TTC7B: variants seen among roughly 807,000 people sequenced by gnomAD.
TTC7B encodes the protein tetratricopeptide repeat protein 7B.
A neutral mutation model predicts 106.8 loss-of-function variants in TTC7B; 28 were observed. The ratio of observed to expected loss-of-function variants is 0.26; its 90% CI spans 0.19 to 0.36. TTC7B has a LOEUF of 0.36. Among genes scored for constraint, TTC7B ranks in the 10% least tolerant of loss-of-function variants. TTC7B has a pLI of 1.00. For missense variants in TTC7B, 862 were observed against 1,076.4 expected (o/e 0.80, Z 2.79); for synonymous variants, 405 against 430.6 (o/e 0.94, Z 0.74).
intron 15 of TTC7B, among the ~76,000 whole-genome samples, chr14:90,636,836 C>T (rs1301710973): frequency 6.6e-6 from 1 of 151,396 alleles, no homozygotes; most frequent in African/African-American, 2.4e-5. Context: ...TAGAATTATA[C>T]AATAATAAAA....
At chr14:90,627,215 G>C (rs1484697517) in intron 15 of TTC7B, among the ~76,000 whole-genome samples, 1 of 151,992 alleles carries the variant, frequency 6.6e-6, no homozygotes, top group African/African-American at 2.4e-5. Context: ...TGAACTCCCG[G>C]GCTCAAGAGA....
chr14:90,730,714 C>G (rs910333632), intron 4 of TTC7B, among the ~76,000 whole-genome samples: 1 of 152,198 alleles, frequency 6.6e-6, no homozygotes, highest in Non-Finnish European at 1.5e-5. Flanking sequence ...GGCTCCAGAG[C>G]TGAGGGACAT....
intron 5 of TTC7B, among the ~76,000 whole-genome samples, chr14:90,706,906 T>A (rs1034618079): frequency 2.0e-5 from 3 of 152,242 alleles, no homozygotes; most frequent in African/African-American, 7.2e-5. Context: ...TGTACATATG[T>A]GTGTATATGC....
At chr14:90,689,313 C>A (rs1292404107) in intron 7 of TTC7B, among the ~76,000 whole-genome samples, 1 of 152,184 alleles carries the variant, frequency 6.6e-6, no homozygotes, top group African/African-American at 2.4e-5. Flanking sequence ...GGCACCCAAG[C>A]ACTGAGATGA....
intron 1 of TTC7B, among the ~76,000 whole-genome samples, chr14:90,787,383 G>A (rs1258357169): frequency 6.6e-6 from 1 of 152,106 alleles, no homozygotes; most frequent in Non-Finnish European, 1.5e-5. Flanking sequence ...TATTTTTCTG[G>A]GATGGGACAG....
At chr14:90,552,965 C>T (rs1338059295) in intron 19 of TTC7B, among the ~76,000 whole-genome samples, 1 of 152,236 alleles carries the variant, frequency 6.6e-6, no homozygotes, top group Non-Finnish European at 1.5e-5. Flanking sequence ...GTGTGGAGCC[C>T]CAGAGAAAAG....
chr14:90,705,177 G>A (rs1888155573), intron 5 of TTC7B, among the ~76,000 whole-genome samples: 1 of 152,188 alleles, frequency 6.6e-6, no homozygotes, highest in Non-Finnish European at 1.5e-5. Flanking sequence ...CTAGGATGGA[G>A]TATGATCCAG....
chr14:90,593,334 T>G, intron 18 of TTC7B, 152 bp downstream of exon 18: 2 of 1,167,116 alleles, frequency 1.7e-6, no homozygotes, highest in Non-Finnish European at 2.3e-6. Context: ...AGTAGTAACA[T>G]TTTGGTGCAT....
chr14:90,657,756 G>A lies in TTC7B; in HGVS notation c.1237-478C>T. 1 of 181,058 alleles carries A rather than the reference G, an allele frequency of 5.5e-6. No homozygotes were observed. The highest frequency in any genetic ancestry group is 1.4e-4 in the East Asian group (1 of 6,936). 11.2% of individuals were successfully genotyped at this position (181,058 alleles called of 1,614,324 possible). ...AGGAGCGTGCCTCTAAACACCTCTGGTGTAGCATCTCATTCTCCTGATAAC... is the reference window on the plus strand; with the variant it reads ...AGGAGCGTGCCTCTAAACACCTCTGATGTAGCATCTCATTCTCCTGATAAC... On this transcript the variant is annotated intron_variant, in intron 10 of 19. Coordinates refer to ENST00000328459, the MANE Select transcript of TTC7B (RefSeq NM_001010854.2). The surrounding 1 kb of genome is among the most constrained non-coding windows in gnomAD (Gnocchi z 4.2).
chr14:90,786,115 C>G (rs1891377957), intron 2 of TTC7B, 59 bp downstream of exon 2: 5 of 1,464,274 alleles, frequency 3.4e-6, no homozygotes, highest in Non-Finnish European at 4.5e-6. Context: ...CCCTGGGCAC[C>G]CTTCTCAACC....
chr14:90,592,157 A>C (rs1000975881), intron 18 of TTC7B, among the ~76,000 whole-genome samples: 1 of 152,210 alleles, frequency 6.6e-6, no homozygotes, highest in African/African-American at 2.4e-5. Flanking sequence ...AACAGGGTGG[A>C]ATATCATACG....
chr14:90,672,859 C>T (rs74081285), intron 9 of TTC7B, among the ~76,000 whole-genome samples: 1,564 of 152,272 alleles, frequency 0.01, 32 homozygotes, highest in African/African-American at 0.035. Context: ...TGCCTCTTAA[C>T]GAGCTCTAAG....
intron 1 of TTC7B, among the ~76,000 whole-genome samples, chr14:90,788,752 C>A (rs1246868250): frequency 6.8e-6 from 1 of 147,644 alleles, no homozygotes; most frequent in Non-Finnish European, 1.5e-5. Context: ...ATCACGAGGT[C>A]AAGAGATTGA....
chr14:90,610,303 G>A (rs1892818727), intron 17 of TTC7B, among the ~76,000 whole-genome samples: 1 of 152,206 alleles, frequency 6.6e-6, no homozygotes, highest in Admixed American at 6.5e-5. Flanking sequence ...CTTCCACATG[G>A]GGACAGTGGA....
chr14:90,692,132 T>C (rs1423992369), intron 6 of TTC7B, among the ~76,000 whole-genome samples: 1 of 152,232 alleles, frequency 6.6e-6, no homozygotes, highest in Non-Finnish European at 1.5e-5. Context: ...GACATGTGTA[T>C]TGCTTCCAAC....
At chr14:90,661,103 C>G (rs1040373672) in intron 9 of TTC7B, among the ~76,000 whole-genome samples, 5 of 152,240 alleles carry the variant, frequency 3.3e-5, no homozygotes, top group African/African-American at 1.2e-4. Flanking sequence ...GAACACTGAG[C>G]AGAAAGAGAA....
At chr14:90,792,433 C>T (rs948472925) in intron 1 of TTC7B, among the ~76,000 whole-genome samples, 1 of 151,984 alleles carries the variant, frequency 6.6e-6, no homozygotes, top group Non-Finnish European at 1.5e-5. Flanking sequence ...AAAAATTAGC[C>T]AGGCATGGTG....
chr14:90,665,726 T>A (rs1300426537), intron 9 of TTC7B, among the ~76,000 whole-genome samples: 1 of 152,240 alleles, frequency 6.6e-6, no homozygotes, highest in African/African-American at 2.4e-5. Context: ...CATAGTGAAC[T>A]GTCATCATTA....
intron 15 of TTC7B, among the ~76,000 whole-genome samples, chr14:90,640,413 T>C (rs61101041): frequency 0.024 from 3,673 of 152,228 alleles, 151 homozygotes; most frequent in African/African-American, 0.083. Context: ...AGAAAAATCA[T>C]TGGCAATATT....
Sources: gnomAD v4.1 joint callset for allele counts (sites outside exome capture counted in the v4.1 genomes callset) on GRCh38, gnomAD v4.1.1 for gene constraint, Gnocchi (gnomAD v3.1) non-coding constraint, MANE v1.5 for transcripts, NCBI Gene and HGNC (gene_info 2026-07-23, HGNC 2026-07-21) for gene names.